Variants in ATAD2B observed in about 807,000 individuals in gnomAD.
The protein encoded by ATAD2B is ATPase family AAA domain-containing protein 2B.
A neutral mutation model predicts 167.6 loss-of-function variants in ATAD2B; 40 were observed. That is an observed-to-expected ratio of 0.24 (90% CI 0.19 to 0.31). The LOEUF is 0.31. ATAD2B is among the 10% of genes least tolerant of loss of function. The pLI is 1.00. For synonymous variants in ATAD2B, 579 were observed against 596.5 expected (o/e 0.97, Z 0.43); for missense variants, 1,242 against 1,757.2 (o/e 0.71, Z 5.24).
chr2:23,796,255 C>G (rs922599696), intron 19 of ATAD2B, among the ~76,000 whole-genome samples: 1 of 152,112 alleles, frequency 6.6e-6, no homozygotes. Context: ...GGGAAAGGAG[C>G]TGAAATTTCA....
chr2:23,740,013 C>T, the ATAD2B span, among the ~76,000 whole-genome samples: 17 of 151,038 alleles, frequency 1.1e-4, no homozygotes, highest in East Asian at 5.8e-4. Context: ...AGAAGTTGAA[C>T]CTCTGAATAG....
At chr2:23,886,726 T>TCA (rs1698713888) in intron 4 of ATAD2B, among the ~76,000 whole-genome samples, 4 of 151,292 alleles carry the variant, frequency 2.6e-5, no homozygotes, top group East Asian at 2.0e-4. Flanking sequence ...GGTCAGGAGA[T>TCA]AGAGACCATC....
Position 23,888,485 on chromosome 2 carries a change from T to C in ATAD2B, c.369-86A>G, listed in dbSNP as rs1699010753. The stretch of plus-strand genomic sequence containing the variant: ...TGAAATACTGCTGGAATTATTTTAA[T>C]CTTTAAAACTTTTTTAAAAGTAAAG... On this transcript the variant is annotated intron_variant, in intron 2 of 27. Coordinates refer to ENST00000238789, the MANE Select transcript of ATAD2B (RefSeq NM_017552.4). The C allele has an allele frequency of 7.0e-6, 6 of 859,892 alleles. No individual in the cohort carries two copies. The Middle Eastern group carries it at 1.5e-3, about 214-fold the overall frequency. The allele number at this position is 859,892 out of a possible 1,614,324, so 53.3% of individuals were successfully genotyped here.
chr2:23,857,457 C>G lies in ATAD2B; in HGVS notation c.1526G>C (p.Gly509Ala), dbSNP rs774818565. Residue 509 changes from glycine to alanine, a missense_variant, in exon 13 of 28, where the codon GGA becomes GCA. This residue lies in a region of ATAD2B where 151 missense variants were observed against 284.1 expected (regional missense o/e 0.53). Coordinates refer to ENST00000238789, the MANE Select transcript of ATAD2B (RefSeq NM_017552.4). Reference sequence around the variant, plus strand: ...TCTGCTAGAGCGAACTGGAGCTAATCCATCTATTTCATCAAAAAATATTAT... The same window carrying G: ...TCTGCTAGAGCGAACTGGAGCTAATGCATCTATTTCATCAAAAAATATTAT... ...PSIIFFDEID[G>A]LAPVRSSRQD... 6.6e-7 allele frequency: 1 copy of G among 1,515,852 alleles called. No individual in the cohort carries two copies. The highest frequency in any genetic ancestry group is 1.4e-5 in the South Asian group (1 of 72,408). The allele number at this position is 1,515,852 out of a possible 1,614,324, so 93.9% of individuals were successfully genotyped here.
chr2:23,850,218 T>C (rs1692355289), intron 13 of ATAD2B, among the ~76,000 whole-genome samples: 1 of 148,062 alleles, frequency 6.8e-6, no homozygotes. Flanking sequence ...TAAATAACAA[T>C]AAAATAATCA....
chr2:23,923,421 C>T (rs1021865057), intron 1 of ATAD2B, among the ~76,000 whole-genome samples: 4 of 152,126 alleles, frequency 2.6e-5, no homozygotes, highest in Non-Finnish European at 4.4e-5. Flanking sequence ...ATAGTGCCTA[C>T]ATCTAAGAAT....
At position 23,754,642 on chromosome 2, in the gene ATAD2B, C is replaced by G. The variant is rs1169751826; in HGVS notation, c.4206+5G>C. 4 of 1,611,398 alleles carry G rather than the reference C, an allele frequency of 2.5e-6. No homozygotes were observed. The highest frequency in any genetic ancestry group is 2.7e-5 in the African/African-American group (2 of 74,852). ...TAAAACTTGACTGGGAATAGCTAAGCTTACCTTCAATCTCTCACGATCAAC... is the reference window on the plus strand; with the variant it reads ...TAAAACTTGACTGGGAATAGCTAAGGTTACCTTCAATCTCTCACGATCAAC... On this transcript the variant is annotated splice_donor_5th_base_variant and intron_variant, in intron 26 of 27. Coordinates refer to ENST00000238789, the MANE Select transcript of ATAD2B (RefSeq NM_017552.4).
chr2:23,787,462 A>C (rs1244111780), intron 20 of ATAD2B, among the ~76,000 whole-genome samples: 1 of 152,084 alleles, frequency 6.6e-6, no homozygotes, highest in Non-Finnish European at 1.5e-5. Context: ...CAACAAAATA[A>C]ACATAAATAA....
the ATAD2B span, among the ~76,000 whole-genome samples, chr2:23,727,287 A>G: frequency 6.6e-6 from 1 of 152,220 alleles, no homozygotes; most frequent in African/African-American, 2.4e-5. Flanking sequence ...CAGACACCTT[A>G]CCATCTACAG....
Position 23,750,882 on chromosome 2 carries a change from A to T in ATAD2B, c.*1164T>A, listed in dbSNP as rs1675275835. On this transcript the variant is annotated 3_prime_UTR_variant, in exon 28 of 28. Transcript: ENST00000238789. ...ATCAAAAAGAAGAGTTGTGAAGGTA[A>T]GCTTAGGAGATGGGATTTAAACATT... is the stretch of plus-strand genomic sequence containing the variant. 2.0e-5 allele frequency: 3 copies of T among 152,158 alleles called. No individual in the cohort carries two copies. Among genetic ancestry groups the T allele is most frequent in the African/African-American group, 7.2e-5 (3 of 41,438 alleles). 9.4% of individuals were successfully genotyped at this position (152,158 alleles called of 1,614,324 possible).
intron 16 of ATAD2B, among the ~76,000 whole-genome samples, chr2:23,820,844 G>A (rs1355861762): frequency 2.6e-5 from 4 of 152,248 alleles, no homozygotes; most frequent in South Asian, 4.1e-4. Context: ...AGCTACTCGG[G>A]AGGCTGAGGC....
chr2:23,727,084 C>A, the ATAD2B span, among the ~76,000 whole-genome samples: 4 of 151,968 alleles, frequency 2.6e-5, no homozygotes, highest in Admixed American at 6.6e-5. Context: ...TAAAAGCAAT[C>A]TACTTGAAAT....
intron 10 of ATAD2B, among the ~76,000 whole-genome samples, chr2:23,865,298 G>A (rs1014219287): frequency 3.9e-5 from 6 of 152,114 alleles, no homozygotes; most frequent in African/African-American, 1.4e-4. Flanking sequence ...GGAGCCCAAG[G>A]AGGGCGGATC....
At position 23,911,222 on chromosome 2, in the gene ATAD2B, GA is replaced by G. The variant is rs772518911; in HGVS notation, c.217-15253del. 5.9e-3 allele frequency among the ~76,000 whole-genome samples: 811 copies of G among 136,606 alleles called. 9 individuals are homozygous for G. The highest frequency in any genetic ancestry group is 0.015 in the African/African-American group (568 of 37,332). 89.6% of individuals were successfully genotyped at this position (136,606 alleles called of 152,430 possible). ...GGCAAAAAGAGCGAAACTCCGTCTGGAAAAAAAAAAAAAGAGGTAACGTTCT... is the reference window on the plus strand; with the variant it reads ...GGCAAAAAGAGCGAAACTCCGTCTGGAAAAAAAAAAAAGAGGTAACGTTCT... On this transcript the variant is annotated intron_variant, in intron 1 of 27. Coordinates refer to ENST00000238789, the MANE Select transcript of ATAD2B (RefSeq NM_017552.4).
At chr2:23,703,521 C>T in the ATAD2B span, 3 of 1,062,318 alleles carry the variant, frequency 2.8e-6, no homozygotes, top group South Asian at 3.4e-5. Context: ...AGTTGCCGAG[C>T]CCCCAGCTCA....
At chr2:23,849,392 C>T (rs1573026189) in intron 13 of ATAD2B, among the ~76,000 whole-genome samples, 1 of 152,084 alleles carries the variant, frequency 6.6e-6, no homozygotes, top group Non-Finnish European at 1.5e-5. Flanking sequence ...CATAAAGATG[C>T]AATAAATGTG....
chr2:23,899,805 G>A (rs1273006527), intron 1 of ATAD2B, among the ~76,000 whole-genome samples: 1 of 151,422 alleles, frequency 6.6e-6, no homozygotes, highest in African/African-American at 2.4e-5. Flanking sequence ...TGGCCAGGCT[G>A]GTCTTGAACT....
chr2:23,682,288 T>C, the ATAD2B span, among the ~76,000 whole-genome samples: 497 of 152,300 alleles, frequency 3.3e-3, 2 homozygotes, highest in African/African-American at 0.012. The surrounding 1 kb of genome is among the most constrained non-coding windows in gnomAD (Gnocchi z 4.1). Context: ...CGCCACATGC[T>C]GTCTCATGGA....
At chr2:23,716,067 T>C in the ATAD2B span, among the ~76,000 whole-genome samples, 1 of 152,204 alleles carries the variant, frequency 6.6e-6, no homozygotes, top group African/African-American at 2.4e-5. Context: ...AAAATAGAAA[T>C]TTGTAATTAA....
Sources: allele counts gnomAD v4.1 joint callset (sites outside exome capture counted in the v4.1 genomes callset), GRCh38; gene constraint gnomAD v4.1.1; regional missense constraint gnomAD v4.1.1; non-coding constraint Gnocchi (gnomAD v3.1); transcripts MANE v1.5; gene names NCBI Gene and HGNC (gene_info 2026-07-23, HGNC 2026-07-21).